The following ANAPC7 variants were observed in gnomAD, a reference collection of about 807,000 sequenced individuals.
The protein encoded by ANAPC7 is anaphase-promoting complex subunit 7.
Under a neutral mutation model 63.3 loss-of-function variants are expected in ANAPC7, and 25 were observed. That is an observed-to-expected ratio of 0.39 (90% CI 0.29 to 0.55). ANAPC7 has a LOEUF of 0.55. Among genes scored for constraint, ANAPC7 ranks in the 20% least tolerant of loss-of-function variants. ANAPC7 has a pLI of 0.57. For missense variants in ANAPC7, 516 were observed against 691.7 expected, an observed-to-expected ratio of 0.75 and a Z score of 2.85; for synonymous variants, 241 against 251.7, an observed-to-expected ratio of 0.96 and a Z score of 0.40.
At chr12:110,395,075 G>T (rs1372804666) in intron 3 of ANAPC7, 26 bp downstream of exon 3, 1 of 1,608,148 alleles carries the variant, frequency 6.2e-7, no homozygotes, top group Admixed American at 1.7e-5. Flanking sequence ...GAGCTGAGGA[G>T]AAAAACACAT....
intron 8 of ANAPC7, among the ~76,000 whole-genome samples, chr12:110,381,264 T>C (rs1051054943): frequency 6.6e-6 from 1 of 151,584 alleles, no homozygotes; most frequent in South Asian, 2.1e-4. Flanking sequence ...CCCAATTCCA[T>C]GTATTTCCAT....
chr12:110,402,641 G>C (rs140612337), intron 1 of ANAPC7, among the ~76,000 whole-genome samples: 1 of 151,358 alleles, frequency 6.6e-6, no homozygotes, highest in African/African-American at 2.4e-5. Flanking sequence ...GCCAATAAAG[G>C]ATATTAAGCA....
chr12:110,393,910 C>T (rs993818364), intron 3 of ANAPC7, among the ~76,000 whole-genome samples: 5 of 149,252 alleles, frequency 3.4e-5, no homozygotes, highest in Non-Finnish European at 7.4e-5. Flanking sequence ...TGGTGGCTCA[C>T]GCCTGTAATC....
At chr12:110,395,345 C>G in intron 2 of ANAPC7, 125 bp from the exon 3 acceptor site, 1 of 911,764 alleles carries the variant, frequency 1.1e-6, no homozygotes, top group South Asian at 1.8e-5. Flanking sequence ...GACAGGGTCT[C>G]GCTCTGTTGC....
chr12:110,397,319 C>A (rs953676134), intron 1 of ANAPC7, among the ~76,000 whole-genome samples: 2 of 152,082 alleles, frequency 1.3e-5, no homozygotes, highest in African/African-American at 4.8e-5. Flanking sequence ...CTTTGGGAGG[C>A]TGAGGCGGGC....
At chr12:110,383,253 A>ACGGT (rs1203533143) in intron 6 of ANAPC7, 5 of 248,768 alleles carry the variant, frequency 2.0e-5, no homozygotes, top group Admixed American at 1.5e-4. Context: ...CCTGGCTAAC[A>ACGGT]CGGTGAAACC....
chr12:110,382,764 A>G, intron 7 of ANAPC7, 79 bp downstream of exon 7: 1 of 1,244,022 alleles, frequency 8.0e-7, no homozygotes, highest in South Asian at 1.4e-5. Context: ...CTGTGCTTTC[A>G]ATTTATATTC....
In ANAPC7 at chr12:110,374,240, G is replaced by A. The variant is rs1592888149; in HGVS notation, c.1602C>T (p.Asp534=). 6.2e-7 allele frequency: 1 copy of A among 1,613,994 alleles called. No homozygotes were observed. ...PTDATQEEDV[D]DMEGSGEEGD... ...CTTCTTCCCCACTCCCTTCCATGTCGTCCACATCCTCCTCCTGAGTGGCAT... is the reference window on the plus strand; with the variant it reads ...CTTCTTCCCCACTCCCTTCCATGTCATCCACATCCTCCTCCTGAGTGGCAT... Residue 534 remains aspartate, a synonymous_variant, in exon 11 of 11, where the codon GAC becomes GAT. Coordinates refer to ENST00000455511, the MANE Select transcript of ANAPC7 (RefSeq NM_016238.3).
intron 1 of ANAPC7, among the ~76,000 whole-genome samples, chr12:110,400,787 T>A (rs2062217046): frequency 6.6e-6 from 1 of 151,530 alleles, no homozygotes; most frequent in South Asian, 2.1e-4. Context: ...GGCTCACGCC[T>A]GCAATCCAAG....
At chr12:110,402,080 C>G (rs554834369) in intron 1 of ANAPC7, among the ~76,000 whole-genome samples, 1 of 151,860 alleles carries the variant, frequency 6.6e-6, no homozygotes, top group South Asian at 2.1e-4. Flanking sequence ...TTGGCTGAGG[C>G]AGGAGGATCG....
chr12:110,388,093 G>A (rs1882774880), intron 4 of ANAPC7, among the ~76,000 whole-genome samples: 1 of 152,162 alleles, frequency 6.6e-6, no homozygotes, highest in Non-Finnish European at 1.5e-5. Flanking sequence ...CTGGAATGCA[G>A]TGGCACAATC....
At chr12:110,394,036 C>T (rs1883337538) in intron 3 of ANAPC7, among the ~76,000 whole-genome samples, 1 of 149,468 alleles carries the variant, frequency 6.7e-6, no homozygotes, top group African/African-American at 2.5e-5. Flanking sequence ...ATTAGCTGGG[C>T]GTGGTGGCGG....
intron 9 of ANAPC7, 98 bp downstream of exon 9, chr12:110,377,295 G>A: frequency 9.6e-7 from 1 of 1,041,972 alleles, no homozygotes; most frequent in Non-Finnish European, 1.4e-6. Flanking sequence ...GCACACACCT[G>A]TCTAGTCATC....
At chr12:110,399,814 G>A (rs2062201831) in intron 1 of ANAPC7, among the ~76,000 whole-genome samples, 1 of 149,968 alleles carries the variant, frequency 6.7e-6, no homozygotes, top group East Asian at 2.0e-4. Flanking sequence ...AAAAAAAAGG[G>A]GCCAGGCGCG....
chr12:110,383,080 G>A, intron 6 of ANAPC7, 120 bp from the exon 7 acceptor site: 1 of 657,732 alleles, frequency 1.5e-6, no homozygotes, highest in Non-Finnish European at 2.6e-6. Flanking sequence ...CAGGGGCTAA[G>A]CCCTTTCCAC....
intron 6 of ANAPC7, among the ~76,000 whole-genome samples, chr12:110,384,804 C>T (rs1882308675): frequency 6.6e-6 from 1 of 152,152 alleles, no homozygotes; most frequent in African/African-American, 2.4e-5. Context: ...TACACAGCTA[C>T]CCTAACCCAA....
chr12:110,385,267 A>C (rs1227309189), intron 6 of ANAPC7, among the ~76,000 whole-genome samples: 1 of 152,182 alleles, frequency 6.6e-6, no homozygotes, highest in East Asian at 1.9e-4. Flanking sequence ...ACTCCGTCTC[A>C]AACAAACAAA....
chr12:110,396,173 A>AG, intron 2 of ANAPC7, 93 bp downstream of exon 2: 1 of 1,151,490 alleles, frequency 8.7e-7, no homozygotes, highest in South Asian at 1.4e-5. Flanking sequence ...GGTTCCTAAC[A>AG]GACCAGGCAC....
rs1190973869 is a variant in ANAPC7 at position 110,401,484 on chromosome 12, G to A, written c.101+2043C>T. 3.3e-5 allele frequency among the ~76,000 whole-genome samples: 5 copies of A among 152,282 alleles called. No homozygotes were observed. The East Asian group carries it at 9.7e-4, about 29-fold the overall frequency. On this transcript the variant is annotated intron_variant, in intron 1 of 10. Coordinates refer to ENST00000455511, the MANE Select transcript of ANAPC7 (RefSeq NM_016238.3). ...CTGGGAGTCAGAGAAGGCTCTTTAG[G>A]AGAGATATCCAGGCTAAAACCTGAA...
Sources: gnomAD v4.1 joint callset for allele counts (sites outside exome capture counted in the v4.1 genomes callset) on GRCh38, gnomAD v4.1.1 for gene constraint, MANE v1.5 for transcripts, NCBI Gene and HGNC (gene_info 2026-07-23, HGNC 2026-07-21) for gene names.